RGS17: variants seen among roughly 807,000 people sequenced by gnomAD.
The protein encoded by RGS17 is regulator of G protein signaling 17, also known as regulator of G-protein signaling 17.
A neutral mutation model predicts 25.5 loss-of-function variants in RGS17; 12 were observed. The ratio of observed to expected loss-of-function variants is 0.47; its 90% CI spans 0.30 to 0.76. RGS17 has a LOEUF of 0.76. RGS17 is among the 30% of genes least tolerant of loss of function. The pLI is 0.07. For synonymous variants in RGS17, 71 were observed against 76.9 expected (o/e 0.92, Z 0.40); for missense variants, 196 against 242.2 (o/e 0.81, Z 1.27).
In RGS17 at chr6:153,057,347, C is replaced by T. The variant is rs573568050; in HGVS notation, c.-25-13304G>A. ...AAATGAGTCTACACATCAGAATTAG[C>T]TCTCATCTCACTCTTGAAGTCACCA... On this transcript the variant is annotated intron_variant, in intron 1 of 4. Coordinates refer to ENST00000206262, the MANE Select transcript of RGS17 (RefSeq NM_012419.5). Among the ~76,000 whole-genome samples the T allele has an allele frequency of 2.0e-5, 3 of 152,160 alleles. No homozygotes were observed. The South Asian group carries it at 6.2e-4, about 32-fold the overall frequency.
At chr6:153,087,298 C>A (rs1258269889) in intron 1 of RGS17, among the ~76,000 whole-genome samples, 2 of 152,048 alleles carry the variant, frequency 1.3e-5, no homozygotes, top group Non-Finnish European at 2.9e-5. Context: ...AAACAAACAG[C>A]TAAAAATGTG....
At chr6:153,097,049 G>A (rs1411604929) in intron 1 of RGS17, among the ~76,000 whole-genome samples, 1 of 152,050 alleles carries the variant, frequency 6.6e-6, no homozygotes, top group Non-Finnish European at 1.5e-5. Context: ...AGCTTAACAG[G>A]CACTTTGATT....
At chr6:153,053,992 A>T (rs183256418) in intron 1 of RGS17, among the ~76,000 whole-genome samples, 6,545 of 29,770 alleles carry the variant, frequency 0.22, 210 homozygotes, top group South Asian at 0.29. Context: ...TATGTATATA[A>T]TATATATACA....
At chr6:153,071,871 C>A (rs1729102090) in intron 1 of RGS17, among the ~76,000 whole-genome samples, 1 of 152,076 alleles carries the variant, frequency 6.6e-6, no homozygotes, top group Non-Finnish European at 1.5e-5. Flanking sequence ...GGCAAGTTAT[C>A]TAAACTATTT....
At chr6:153,023,013 G>T (rs1475711278) in intron 4 of RGS17, among the ~76,000 whole-genome samples, 1 of 152,046 alleles carries the variant, frequency 6.6e-6, no homozygotes, top group African/African-American at 2.4e-5. Context: ...ATTCTAGAAG[G>T]TTTCTCATTT....
chr6:153,013,020 C>A (rs1394074462), intron 4 of RGS17, among the ~76,000 whole-genome samples: 4 of 152,016 alleles, frequency 2.6e-5, no homozygotes, highest in Non-Finnish European at 5.9e-5. Context: ...TGTGGCTTAG[C>A]CAGACCAACT....
At chr6:153,052,837 G>A (rs1279622538) in intron 1 of RGS17, among the ~76,000 whole-genome samples, 1 of 152,064 alleles carries the variant, frequency 6.6e-6, no homozygotes, top group Non-Finnish European at 1.5e-5. Context: ...TAAGAGGTGG[G>A]GCCTATGGAC....
intron 4 of RGS17, among the ~76,000 whole-genome samples, chr6:153,014,797 C>CA (rs34132794): frequency 0.028 from 2,745 of 96,940 alleles, 68 homozygotes; most frequent in African/African-American, 0.079. Context: ...GACTCCGTCT[C>CA]AAAAAAAAAA....
At chr6:153,118,887 A>G (rs562038235) in intron 1 of RGS17, among the ~76,000 whole-genome samples, 3 of 152,194 alleles carry the variant, frequency 2.0e-5, no homozygotes, top group Admixed American at 1.3e-4. Context: ...ATATGAATAA[A>G]ACTGGTAAAA....
chr6:153,087,344 A>T (rs910330602), intron 1 of RGS17, among the ~76,000 whole-genome samples: 1 of 152,230 alleles, frequency 6.6e-6, no homozygotes, highest in African/African-American at 2.4e-5. Flanking sequence ...GATATACATA[A>T]TGATGAAAAA....
chr6:153,033,342 G>A (rs983888621), intron 2 of RGS17, among the ~76,000 whole-genome samples: 11 of 152,142 alleles, frequency 7.2e-5, no homozygotes, highest in African/African-American at 1.9e-4. Flanking sequence ...GATGACCAAA[G>A]CTTCTTATTT....
chr6:153,042,654 A>G, intron 2 of RGS17, among the ~76,000 whole-genome samples: 1 of 152,228 alleles, frequency 6.6e-6, no homozygotes, highest in East Asian at 1.9e-4. Flanking sequence ...ACAAAGAATC[A>G]TCATCTGGGA....
intron 4 of RGS17, among the ~76,000 whole-genome samples, chr6:153,020,197 A>G (rs1260607974): frequency 1.7e-5 from 2 of 116,444 alleles, no homozygotes; most frequent in African/African-American, 6.6e-5. Context: ...ACTTTTGCCC[A>G]GGCTGGAGTG....
chr6:153,122,221 C>A (rs958319773), intron 1 of RGS17, among the ~76,000 whole-genome samples: 7 of 152,060 alleles, frequency 4.6e-5, no homozygotes, highest in Admixed American at 2.0e-4. Flanking sequence ...TACGTAGGCA[C>A]CATATCAGTT....
Position 153,061,439 on chromosome 6 carries a change from G to T in RGS17, c.-25-17396C>A, listed in dbSNP as rs1776636504. Among the ~76,000 whole-genome samples, 3 of 152,110 alleles carry T rather than the reference G, an allele frequency of 2.0e-5. No homozygotes were observed. In the South Asian group the frequency reaches 6.2e-4, roughly 31 times the overall value. On this transcript the variant is annotated intron_variant, in intron 1 of 4. Coordinates refer to ENST00000206262, the MANE Select transcript of RGS17 (RefSeq NM_012419.5). Reference sequence around the variant, plus strand: ...TCATAAAACTGTTTTTCAGAGAGCAGACATGCTCAATATTTCAATACACGT... The same window carrying T: ...TCATAAAACTGTTTTTCAGAGAGCATACATGCTCAATATTTCAATACACGT...
intron 1 of RGS17, 45 bp from the exon 2 acceptor site, chr6:153,044,088 G>A: frequency 3.3e-6 from 3 of 915,420 alleles, no homozygotes; most frequent in Non-Finnish European, 5.4e-6. Context: ...AAAGCAATAA[G>A]GATAAGTTGC....
chr6:153,011,865 A>C, intron 4 of RGS17, 103 bp from the exon 5 acceptor site: 2 of 771,370 alleles, frequency 2.6e-6, no homozygotes, highest in East Asian at 2.8e-5. Flanking sequence ...TTAAAGAGCA[A>C]ATCCAACTAC....
chr6:153,047,891 C>T (rs1416729902), intron 1 of RGS17, among the ~76,000 whole-genome samples: 1 of 152,232 alleles, frequency 6.6e-6, no homozygotes, highest in Non-Finnish European at 1.5e-5. Context: ...TCCTGGGCAC[C>T]ATACTCACCT....
chr6:153,129,254 C>T (rs1777748937), intron 1 of RGS17, among the ~76,000 whole-genome samples: 1 of 152,182 alleles, frequency 6.6e-6, no homozygotes, highest in African/African-American at 2.4e-5. Flanking sequence ...CATGAGTGTG[C>T]TAATTACTGT....
Sources: allele counts gnomAD v4.1 joint callset (sites outside exome capture counted in the v4.1 genomes callset), GRCh38; gene constraint gnomAD v4.1.1; transcripts MANE v1.5; gene names NCBI Gene and HGNC (gene_info 2026-07-23, HGNC 2026-07-21).